The following AP3B2 variants were observed in gnomAD, a reference collection of about 807,000 sequenced individuals.
AP3B2 encodes AP-3 complex subunit beta-2.
In AP3B2, 50 loss-of-function variants were observed where a neutral mutation model predicts 126.9. The ratio of observed to expected loss-of-function variants is 0.39; its 90% confidence interval spans 0.31 to 0.50. The LOEUF is 0.50. Ranked by LOEUF, AP3B2 falls within the 20% of genes least tolerant of loss-of-function variation. The pLI is 0.79. For synonymous variants in AP3B2, 541 were observed against 565.0 expected (o/e 0.96, Z 0.60); for missense variants, 1,177 against 1,426.4 (o/e 0.83, Z 2.82).
At chr15:82,682,466 A>AGCT (rs1330956194) in intron 4 of AP3B2, among the ~76,000 whole-genome samples, 1 of 152,192 alleles carries the variant, frequency 6.6e-6, no homozygotes, top group Non-Finnish European at 1.5e-5. Context: ...CAGCAGCAGC[A>AGCT]GCTATATATT....
At position 82,681,609 on chromosome 15, in the gene AP3B2, G is replaced by A; in HGVS notation, c.361-29C>T. 1 of 1,606,038 alleles carries A rather than the reference G, an allele frequency of 6.2e-7. No individual in the cohort carries two copies. Among genetic ancestry groups the A allele is most frequent in the Non-Finnish European group, 8.5e-7 (1 of 1,177,470 alleles). On this transcript the variant is annotated intron_variant, in intron 4 of 26. Transcript: ENST00000535359. The surrounding 1 kb of genome is among the most constrained non-coding windows in gnomAD (Gnocchi z 4.0). ...AAGGCAGAGGTGGAGGCAGAGCTAT[G>A]AAAGGGCACCAGGTGCCCTGATGGG...
Position 82,659,579 on chromosome 15 carries a change from A to G in AP3B2, c.3287T>C (p.Ile1096Thr), listed in dbSNP as rs756340733. Reference sequence around the variant, plus strand: ...TGGAAGTCACTGGGTCAGAGCCTGTATCACATCCTTTACCAGCATGGTGCC... The same window carrying G: ...TGGAAGTCACTGGGTCAGAGCCTGTGTCACATCCTTTACCAGCATGGTGCC... ...VIGTMLVKDV[I>T]QALTQ Residue 1096 changes from isoleucine to threonine, a missense_variant, in exon 27 of 27, where the codon ATA becomes ACA. Physicochemically the swap from Ile to Thr is moderately conservative, Grantham distance 89. Around this residue, in one of 5 missense-constraint regions of AP3B2, gnomAD observed 587 missense variants for 571.3 expected, o/e 1.03. Transcript: ENST00000535359. 14 of 1,613,964 alleles carry G rather than the reference A, an allele frequency of 8.7e-6. No individual in the cohort carries two copies. The highest frequency in any genetic ancestry group is 1.6e-4 in the Middle Eastern group (1 of 6,062).
At chr15:82,706,818 A>G (rs545206701) in intron 1 of AP3B2, among the ~76,000 whole-genome samples, 1 of 152,226 alleles carries the variant, frequency 6.6e-6, no homozygotes, top group Non-Finnish European at 1.5e-5. Context: ...GTGGAAATCT[A>G]TCCTCAAGGA....
At chr15:82,677,179 G>A (rs1159810741) in intron 13 of AP3B2, 95 bp downstream of exon 13, 3 of 1,080,402 alleles carry the variant, frequency 2.8e-6, no homozygotes, top group Non-Finnish European at 4.2e-6. Flanking sequence ...AGGTTTGGAA[G>A]TTACTTTTGA....
chr15:82,690,034 G>A (rs957032571), intron 1 of AP3B2: 7 of 153,368 alleles, frequency 4.6e-5, no homozygotes, highest in African/African-American at 9.7e-5. Flanking sequence ...GAAGGCAGAC[G>A]ATTGGAAAGA....
rs2048315748 is a variant in AP3B2, at chr15:82,680,402, G to A, written c.1055+70C>T. ...TGGAAGCGGCTGGTGGGCGTGAGGGGGCGGAGCCGGGCAGCCCGTGGGGCG... is the reference window on the plus strand; with the variant it reads ...TGGAAGCGGCTGGTGGGCGTGAGGGAGCGGAGCCGGGCAGCCCGTGGGGCG... On this transcript the variant is annotated intron_variant, in intron 8 of 26. Transcript: ENST00000535359. The surrounding 1 kb of genome is among the most constrained non-coding windows in gnomAD (Gnocchi z 6.1). The A allele has an allele frequency of 6.9e-7, 1 of 1,444,548 alleles. No individual in the cohort carries two copies. The highest frequency in any genetic ancestry group is 1.4e-5 in the African/African-American group (1 of 70,142). The allele number at this position is 1,444,548 out of a possible 1,614,324, so 89.5% of individuals were successfully genotyped here. A position where few individuals can be genotyped will look rare whatever the true frequency, so the allele number is the denominator to read the frequency against.
intron 11 of AP3B2, 38 bp downstream of exon 11, chr15:82,678,067 C>T: frequency 1.2e-6 from 2 of 1,606,770 alleles, no homozygotes; most frequent in Non-Finnish European, 1.7e-6. Context: ...CTGATGGGCC[C>T]CTCTCCCAGG....
chr15:82,699,763 G>C (rs1284434617), intron 1 of AP3B2: 2 of 399,172 alleles, frequency 5.0e-6, no homozygotes, highest in Non-Finnish European at 8.8e-6. Flanking sequence ...GTACCGGAGT[G>C]GGGGCCCACC....
chr15:82,692,281 AG>A, intron 1 of AP3B2: 1 of 746,602 alleles, frequency 1.3e-6, no homozygotes. Flanking sequence ...CCGTACTTGT[AG>A]AAAAGGTCTT....
chr15:82,702,622 C>T (rs1407765839), intron 1 of AP3B2, among the ~76,000 whole-genome samples: 2 of 151,298 alleles, frequency 1.3e-5, no homozygotes, highest in Non-Finnish European at 2.9e-5. Flanking sequence ...CTGTAATTGT[C>T]CACTACCTAC....
rs112629165 is a variant in AP3B2 at position 82,671,313 on chromosome 15, T to C, written c.1666-4380A>G. On this transcript the variant is annotated intron_variant, in intron 14 of 26. Coordinates refer to ENST00000535359, the MANE Select transcript of AP3B2 (RefSeq NM_001278512.2). ...AAACAAAACAAAACAAAAAAAGATA[T>C]ATCATCTCACCCCAAGTAGGCTTAT... is the stretch of plus-strand genomic sequence containing the variant. 3.0e-3 allele frequency among the ~76,000 whole-genome samples: 457 copies of C among 151,842 alleles called. 3 individuals are homozygous for C. The highest frequency in any genetic ancestry group is 5.8e-3 in the Non-Finnish European group (395 of 67,920).
intron 1 of AP3B2, among the ~76,000 whole-genome samples, chr15:82,702,833 C>T (rs561514655): frequency 1.3e-5 from 2 of 152,260 alleles, no homozygotes; most frequent in East Asian, 1.9e-4. Context: ...CCCCTGTCCT[C>T]CTGCTCTTTG....
At chr15:82,688,975 C>T (rs1164660395) in intron 3 of AP3B2, 144 bp from the exon 4 acceptor site, 28 of 990,898 alleles carry the variant, frequency 2.8e-5, no homozygotes, top group Non-Finnish European at 4.0e-5. Context: ...CTGAGTGTAT[C>T]CGGGTCCTTT....
intron 14 of AP3B2, among the ~76,000 whole-genome samples, chr15:82,669,470 G>A (rs1567259375): frequency 6.6e-6 from 1 of 152,014 alleles, no homozygotes; most frequent in Non-Finnish European, 1.5e-5. Flanking sequence ...GAGGCAGGCA[G>A]ATCGTGAGAT....
chr15:82,697,685 C>A (rs1176594414), intron 1 of AP3B2, among the ~76,000 whole-genome samples: 1 of 152,214 alleles, frequency 6.6e-6, no homozygotes, highest in Non-Finnish European at 1.5e-5. Flanking sequence ...AAAGATGATG[C>A]CTTCCAGCAT....
At chr15:82,702,676 CTCTT>C (rs1158649408) in intron 1 of AP3B2, among the ~76,000 whole-genome samples, 1 of 151,936 alleles carries the variant, frequency 6.6e-6, no homozygotes, top group Non-Finnish European at 1.5e-5. Context: ...CTTTCGTTGA[CTCTT>C]TTTTCAGACT....
chr15:82,700,397 C>CTTT lies in AP3B2; in HGVS notation c.113+9194_113+9196dup, dbSNP rs1226910164. Among the ~76,000 whole-genome samples the CTTT allele has an allele frequency of 1.1e-3, 37 of 35,096 alleles. 10 individuals carry two copies. Among genetic ancestry groups the CTTT allele is most frequent in the Non-Finnish European group, 1.2e-3 (24 of 19,536 alleles). 23.0% of individuals were successfully genotyped at this position (35,096 alleles called of 152,430 possible). A position where few individuals can be genotyped will look rare whatever the true frequency, so the allele number is the denominator to read the frequency against. ...CCACTGGCCTGCCAGTGGTGGGTGGCTTTTTTTTTTTTTTTTTTCAGATGG... is the reference window on the plus strand; with the variant it reads ...CCACTGGCCTGCCAGTGGTGGGTGGCTTTTTTTTTTTTTTTTTTTTTCAGATGG... On this transcript the variant is annotated intron_variant, in intron 1 of 26. Coordinates refer to ENST00000535359, the MANE Select transcript of AP3B2 (RefSeq NM_001278512.2).
intron 14 of AP3B2, among the ~76,000 whole-genome samples, chr15:82,671,983 G>T (rs2048167004): frequency 6.6e-6 from 1 of 151,774 alleles, no homozygotes; most frequent in East Asian, 1.9e-4. Flanking sequence ...GGCGGAGGTT[G>T]CAGTGAGCTG....
intron 1 of AP3B2, among the ~76,000 whole-genome samples, chr15:82,691,027 G>A (rs1183742068): frequency 6.6e-6 from 1 of 151,868 alleles, no homozygotes; most frequent in African/African-American, 2.4e-5. Context: ...CATTTGGGTT[G>A]GTTCCAAGTC....
Sources: allele counts gnomAD v4.1 joint callset (sites outside exome capture counted in the v4.1 genomes callset), GRCh38; gene constraint gnomAD v4.1.1; regional missense constraint gnomAD v4.1.1; non-coding constraint Gnocchi (gnomAD v3.1); transcripts MANE v1.5; gene names NCBI Gene and HGNC (gene_info 2026-07-23, HGNC 2026-07-21).